The following PLEKHA3 variants were observed in gnomAD, a reference collection of about 807,000 sequenced individuals.
PLEKHA3 encodes pleckstrin homology domain-containing family A member 3.
In PLEKHA3, 19 loss-of-function variants were observed where a neutral mutation model predicts 39.2. The ratio of observed to expected loss-of-function variants is 0.48; its 90% CI spans 0.34 to 0.71. The LOEUF (loss-of-function observed/expected upper bound fraction) is 0.71. PLEKHA3 is among the 30% of genes least tolerant of loss of function. PLEKHA3 has a pLI of 0.01. For synonymous variants in PLEKHA3, 97 were observed against 118.6 expected (o/e 0.82, Z 1.18); for missense variants, 253 against 359.5 (o/e 0.70, Z 2.40).
At chr2:178,498,424 G>T (rs1343914234) in intron 5 of PLEKHA3, among the ~76,000 whole-genome samples, 1 of 152,138 alleles carries the variant, frequency 6.6e-6, no homozygotes, top group East Asian at 1.9e-4. Flanking sequence ...ACCTGGGCTT[G>T]TTAGACTCTT....
At chr2:178,485,824 G>A in intron 2 of PLEKHA3, 67 bp downstream of exon 2, 1 of 1,213,728 alleles carries the variant, frequency 8.2e-7, no homozygotes, top group South Asian at 1.2e-5. Flanking sequence ...GCATACTCCA[G>A]ACGAGGAAAA....
intron 5 of PLEKHA3, among the ~76,000 whole-genome samples, chr2:178,497,913 TG>T (rs1001101189): frequency 5.3e-5 from 8 of 152,066 alleles, no homozygotes; most frequent in African/African-American, 1.7e-4. Context: ...ACAAATAGCA[TG>T]GAAAGTAAGG....
intron 2 of PLEKHA3, among the ~76,000 whole-genome samples, chr2:178,489,506 G>T (rs1183692102): frequency 1.5e-5 from 2 of 129,450 alleles, no homozygotes; most frequent in Non-Finnish European, 3.1e-5. Flanking sequence ...TGCCCAGTCT[G>T]GAGTGCAGTG....
chr2:178,506,647 T>G lies in PLEKHA3; in HGVS notation c.*2760T>G, dbSNP rs978111201. The G allele has an allele frequency of 6.6e-5, 10 of 152,318 alleles. No individual in the cohort carries two copies. The highest frequency in any genetic ancestry group is 1.7e-4 in the African/African-American group (7 of 41,572). 9.4% of individuals were successfully genotyped at this position (152,318 alleles called of 1,614,324 possible). A position where few individuals can be genotyped will look rare whatever the true frequency, so the allele number is the denominator to read the frequency against. ...GTGATATGTTAATACCAGATTGCTG[T>G]TTACACTAATTCCATATACATGATA... On this transcript the variant is annotated 3_prime_UTR_variant, in exon 8 of 8. Transcript: ENST00000234453.
In PLEKHA3 at chr2:178,507,185, C is replaced by T. The variant is rs1046741285; in HGVS notation, c.*3298C>T. Reference sequence around the variant, plus strand: ...CTTATCAATTTCAGAAACAGTTTCTCGAATACCTTTTATGGTAGACAGGAT... The same window carrying T: ...CTTATCAATTTCAGAAACAGTTTCTTGAATACCTTTTATGGTAGACAGGAT... On this transcript the variant is annotated 3_prime_UTR_variant, in exon 8 of 8. Transcript: ENST00000234453. 4 of 152,076 alleles carry T rather than the reference C, an allele frequency of 2.6e-5. No homozygotes were observed. The highest frequency in any genetic ancestry group is 9.7e-5 in the African/African-American group (4 of 41,412). 9.4% of individuals were successfully genotyped at this position (152,076 alleles called of 1,614,324 possible).
rs952809545 is a variant in PLEKHA3 at position 178,507,003 on chromosome 2, A to G, written c.*3116A>G. On this transcript the variant is annotated 3_prime_UTR_variant, in exon 8 of 8. Coordinates refer to ENST00000234453, the MANE Select transcript of PLEKHA3 (RefSeq NM_019091.4). Reference sequence around the variant, plus strand: ...TTTTATTAAACTAGTTAATGTACATAGTTTGAAAAAATCAAATAGAACTAA... The same window carrying G: ...TTTTATTAAACTAGTTAATGTACATGGTTTGAAAAAATCAAATAGAACTAA... 6.6e-6 allele frequency: 1 copy of G among 152,018 alleles called. No individual in the cohort carries two copies. The highest frequency in any genetic ancestry group is 1.5e-5 in the Non-Finnish European group (1 of 68,006). The allele number at this position is 152,018 out of a possible 1,614,324, so 9.4% of individuals were successfully genotyped here.
At chr2:178,481,002 G>T in intron 1 of PLEKHA3, 93 bp downstream of exon 1, 1 of 1,172,082 alleles carries the variant, frequency 8.5e-7, no homozygotes. Flanking sequence ...TGGCCTCCGC[G>T]GACCCTCAGA....
rs1685735332 is a variant in PLEKHA3 at position 178,514,696 on chromosome 2, G to C, written c.*10809G>C. On this transcript the variant is annotated 3_prime_UTR_variant, in exon 8 of 8. Transcript: ENST00000234453. ...ATATTCTTTTTTTTTTTTTCTCTAAGAAGTACTAGTTTAGGTAAGTGAAAT... is the reference window on the plus strand; with the variant it reads ...ATATTCTTTTTTTTTTTTTCTCTAACAAGTACTAGTTTAGGTAAGTGAAAT... 6.7e-6 allele frequency: 1 copy of C among 148,876 alleles called. No individual in the cohort carries two copies. The highest frequency in any genetic ancestry group is 2.0e-4 in the East Asian group (1 of 5,102). 9.2% of individuals were successfully genotyped at this position (148,876 alleles called of 1,614,324 possible).
Position 178,509,101 on chromosome 2 carries a change from A to G in PLEKHA3, c.*5214A>G, listed in dbSNP as rs2154128201. On this transcript the variant is annotated 3_prime_UTR_variant, in exon 8 of 8. Transcript: ENST00000234453. ...GCACTTCCTCCTGGTTTTTATCTGTATAAACTTTGTTAAAATCTCATGGCT... is the reference window on the plus strand; with the variant it reads ...GCACTTCCTCCTGGTTTTTATCTGTGTAAACTTTGTTAAAATCTCATGGCT... 6.5e-6 allele frequency: 1 copy of G among 153,484 alleles called. No homozygotes were observed. The highest frequency in any genetic ancestry group is 1.9e-4 in the East Asian group (1 of 5,182). 9.5% of individuals were successfully genotyped at this position (153,484 alleles called of 1,614,324 possible).
At chr2:178,481,298 T>G (rs1030782466) in intron 1 of PLEKHA3, among the ~76,000 whole-genome samples, 14 of 152,220 alleles carry the variant, frequency 9.2e-5, no homozygotes, top group Non-Finnish European at 1.6e-4. Flanking sequence ...CCTTTAATTG[T>G]TTCAACTACA....
rs1685668822 is a variant in PLEKHA3 at position 178,510,613 on chromosome 2, T to G, written c.*6726T>G. 1 of 153,736 alleles carries G rather than the reference T, an allele frequency of 6.5e-6. No individual in the cohort carries two copies. The highest frequency in any genetic ancestry group is 1.5e-5 in the Non-Finnish European group (1 of 68,050). The allele number at this position is 153,736 out of a possible 1,614,324, so 9.5% of individuals were successfully genotyped here. ...CTCTCCTGCTCTTCTGCCAAATGTCTCTCCCTTCCAAAGGACGTAGTGCTC... is the reference window on the plus strand; with the variant it reads ...CTCTCCTGCTCTTCTGCCAAATGTCGCTCCCTTCCAAAGGACGTAGTGCTC... On this transcript the variant is annotated 3_prime_UTR_variant, in exon 8 of 8. Transcript: ENST00000234453.
At chr2:178,486,348 C>A (rs73973118) in intron 2 of PLEKHA3, among the ~76,000 whole-genome samples, 14 of 151,740 alleles carry the variant, frequency 9.2e-5, no homozygotes, top group Non-Finnish European at 1.6e-4. Flanking sequence ...GGGGTGGAGG[C>A]GAAATCAGAT....
At position 178,508,008 on chromosome 2, in the gene PLEKHA3, G is replaced by T; in HGVS notation, c.*4121G>T. ...ATTCATCTTGATGGCTACTTGACTT[G>T]GTGGAATCTTTCAATTTAGAGATTT... On this transcript the variant is annotated 3_prime_UTR_variant, in exon 8 of 8. Coordinates refer to ENST00000234453, the MANE Select transcript of PLEKHA3 (RefSeq NM_019091.4). 1 of 151,754 alleles carries T rather than the reference G, an allele frequency of 6.6e-6. No homozygotes were observed. The allele number at this position is 151,754 out of a possible 1,614,324, so 9.4% of individuals were successfully genotyped here.
At chr2:178,486,050 A>G (rs1275480734) in intron 2 of PLEKHA3, among the ~76,000 whole-genome samples, 4 of 152,226 alleles carry the variant, frequency 2.6e-5, no homozygotes, top group East Asian at 3.8e-4. Context: ...CCTTCAGTCT[A>G]TAAGCATTCT....
chr2:178,499,999 T>C (rs982117930), intron 6 of PLEKHA3, among the ~76,000 whole-genome samples: 1 of 152,170 alleles, frequency 6.6e-6, no homozygotes, highest in Non-Finnish European at 1.5e-5. Context: ...AGAAAGATCT[T>C]GCTGAAGAGA....
chr2:178,492,961 G>C (rs1685376636), intron 3 of PLEKHA3, among the ~76,000 whole-genome samples: 2 of 152,134 alleles, frequency 1.3e-5, no homozygotes, highest in Non-Finnish European at 2.9e-5. Flanking sequence ...GAAAGAATAG[G>C]CTTAAATATG....
At chr2:178,497,310 A>C (rs966944370) in intron 5 of PLEKHA3, among the ~76,000 whole-genome samples, 2 of 151,962 alleles carry the variant, frequency 1.3e-5, no homozygotes, top group African/African-American at 2.4e-5. Flanking sequence ...AGCTCACTGC[A>C]AGCTCCGCCT....
intron 7 of PLEKHA3, among the ~76,000 whole-genome samples, chr2:178,503,116 C>G (rs1259784776): frequency 6.6e-6 from 1 of 151,932 alleles, no homozygotes; most frequent in East Asian, 1.9e-4. Flanking sequence ...ATGGTAAACT[C>G]AAACTATATA....
chr2:178,482,344 T>C lies in PLEKHA3; in HGVS notation c.40+1435T>C, dbSNP rs545008837. Among the ~76,000 whole-genome samples the C allele has an allele frequency of 1.7e-4, 26 of 151,846 alleles. No homozygotes were observed. In the South Asian group the frequency reaches 5.2e-3, roughly 30 times the overall value. On this transcript the variant is annotated intron_variant, in intron 1 of 7. Transcript: ENST00000234453. Reference sequence around the variant, plus strand: ...TTGCTCAAGACCAACCTGGGCCACATAGGGAGACGTGGTCTCTACTAAAAA... The same window carrying C: ...TTGCTCAAGACCAACCTGGGCCACACAGGGAGACGTGGTCTCTACTAAAAA...
Sources: allele counts gnomAD v4.1 joint callset (sites outside exome capture counted in the v4.1 genomes callset), GRCh38; gene constraint gnomAD v4.1.1; transcripts MANE v1.5; gene names NCBI Gene and HGNC (gene_info 2026-07-23, HGNC 2026-07-21).